SIM1: variants seen among roughly 807,000 people sequenced by gnomAD.
SIM1 encodes the protein single-minded homolog 1.
SIM1 carries 18 observed loss-of-function variants against 78.2 expected under a neutral mutation model. The observed-to-expected ratio is 0.23, with a 90% CI of 0.16 to 0.34. The LOEUF (loss-of-function observed/expected upper bound fraction) is 0.34, where lower values mean the gene tolerates loss of function less well. Among genes scored for constraint, SIM1 ranks in the 10% least tolerant of loss-of-function variants. The probability of loss-of-function intolerance (pLI) is 1.00; values close to 1 mark genes in which losing one functional copy is unlikely to be tolerated. For synonymous variants in SIM1, 417 were observed against 385.2 expected (o/e 1.08, Z -0.97); for missense variants, 939 against 975.1 (o/e 0.96, Z 0.49).
At position 100,420,487 on chromosome 6, in the gene SIM1, C is replaced by T. The variant is rs185166726; in HGVS notation, c.1167+303G>A. On this transcript the variant is annotated intron_variant, in intron 10 of 11. Coordinates refer to ENST00000369208, the MANE Select transcript of SIM1 (RefSeq NM_005068.3). ...TTTGTTATGCTGGCTACATCATGGT[C>T]ACTCACTGGGTGGGAGGGAAATTCA... 1.1e-3 allele frequency among the ~76,000 whole-genome samples: 172 copies of T among 152,248 alleles called. 2 individuals are homozygous for T. Among genetic ancestry groups the T allele is most frequent in the Admixed American group, 9.4e-3 (144 of 15,290 alleles).
chr6:100,418,465 T>A (rs1275354187), intron 10 of SIM1, among the ~76,000 whole-genome samples: 1 of 152,166 alleles, frequency 6.6e-6, no homozygotes, highest in Non-Finnish European at 1.5e-5. Flanking sequence ...AGAACGTGTA[T>A]AACTTTCCAG....
At chr6:100,400,872 T>C (rs1042321489) in intron 10 of SIM1, among the ~76,000 whole-genome samples, 1 of 152,052 alleles carries the variant, frequency 6.6e-6, no homozygotes, top group Non-Finnish European at 1.5e-5. Flanking sequence ...AAAGATTTAT[T>C]TGGGCACAGA....
In SIM1 at chr6:100,463,558, G is replaced by T. The variant is rs114664173; in HGVS notation, c.-90C>A. ...AACTTTCAATTAGAGATCATATTTG[G>T]CAAAAACATAAAACATACTTTGAAT... On this transcript the variant is annotated 5_prime_UTR_variant, in exon 2 of 12. Coordinates refer to ENST00000369208, the MANE Select transcript of SIM1 (RefSeq NM_005068.3). The T allele has an allele frequency of 1.4e-3, 1,705 of 1,252,092 alleles. 18 individuals carry two copies. In the African/African-American group the frequency reaches 0.023, roughly 17 times the overall value. The allele number at this position is 1,252,092 out of a possible 1,614,324, so 77.6% of individuals were successfully genotyped here.
chr6:100,407,539 TA>T (rs1771081028), intron 10 of SIM1, among the ~76,000 whole-genome samples: 1 of 152,118 alleles, frequency 6.6e-6, no homozygotes, highest in African/African-American at 2.4e-5. Flanking sequence ...CCATTTTACA[TA>T]ATGGCTGTAC....
At chr6:100,430,110 A>G (rs1771863182) in intron 9 of SIM1, among the ~76,000 whole-genome samples, 1 of 152,222 alleles carries the variant, frequency 6.6e-6, no homozygotes, top group Non-Finnish European at 1.5e-5. Flanking sequence ...TAGTTTCTTA[A>G]AACAATTTAG....
chr6:100,389,424 G>T lies in SIM1; in HGVS notation c.*937C>A, dbSNP rs41318037. The T allele has an allele frequency of 6.9e-3, 2,707 of 392,600 alleles. 22 individuals are homozygous for T. Among genetic ancestry groups the T allele is most frequent in the Non-Finnish European group, 7.1e-3 (1,586 of 222,628 alleles). The allele number at this position is 392,600 out of a possible 1,614,324, so 24.3% of individuals were successfully genotyped here. A position where few individuals can be genotyped will look rare whatever the true frequency, so the allele number is the denominator to read the frequency against. ...TTTTCCTTTTATTTTTGCACCTATT[G>T]GTCTTTTTTCTGGGTGAATTGGTTT... is the stretch of plus-strand genomic sequence containing the variant. On this transcript the variant is annotated 3_prime_UTR_variant, in exon 12 of 12. Coordinates refer to ENST00000369208, the MANE Select transcript of SIM1 (RefSeq NM_005068.3).
chr6:100,435,439 T>G (rs1772018479), intron 9 of SIM1, among the ~76,000 whole-genome samples: 1 of 152,166 alleles, frequency 6.6e-6, no homozygotes, highest in Non-Finnish European at 1.5e-5. Flanking sequence ...ACTCACTAGC[T>G]ATGTTGTATT....
At chr6:100,459,161 G>A (rs1772771440) in intron 2 of SIM1, among the ~76,000 whole-genome samples, 1 of 152,230 alleles carries the variant, frequency 6.6e-6, no homozygotes, top group African/African-American at 2.4e-5. Context: ...TTTATCATTA[G>A]ACGGGTGATT....
rs1011971923 is a variant in SIM1, at chr6:100,449,358, C to T, written c.543+5G>A. ...CCACCCGGAGCGGATCTTCCAGCTACGCACCTTGTAGCCGCCACAGGTGAG... is the reference window on the plus strand; with the variant it reads ...CCACCCGGAGCGGATCTTCCAGCTATGCACCTTGTAGCCGCCACAGGTGAG... On this transcript the variant is annotated splice_donor_5th_base_variant and intron_variant, in intron 6 of 11. Coordinates refer to ENST00000369208, the MANE Select transcript of SIM1 (RefSeq NM_005068.3). The T allele has an allele frequency of 6.2e-7, 1 of 1,612,626 alleles. No individual in the cohort carries two copies. The highest frequency in any genetic ancestry group is 1.1e-5 in the South Asian group (1 of 91,012).
At chr6:100,461,478 C>G (rs561612918) in intron 2 of SIM1, among the ~76,000 whole-genome samples, 2 of 152,304 alleles carry the variant, frequency 1.3e-5, no homozygotes, top group South Asian at 4.1e-4. Context: ...CGCGATTACT[C>G]GCAGCCCCAC....
At chr6:100,396,126 G>T (rs564888828) in intron 10 of SIM1, 2 of 975,792 alleles carry the variant, frequency 2.0e-6, no homozygotes, top group Non-Finnish European at 2.4e-6. Flanking sequence ...ACAAGATATC[G>T]CCTTCACTTT....
chr6:100,404,999 T>C (rs1158580657), intron 10 of SIM1, among the ~76,000 whole-genome samples: 1 of 152,160 alleles, frequency 6.6e-6, no homozygotes, highest in East Asian at 1.9e-4. Flanking sequence ...AATTATTTTC[T>C]ACATTCCTGC....
In SIM1 at chr6:100,450,364, G is replaced by A; in HGVS notation, c.259-8C>T. On this transcript the variant is annotated splice_region_variant and splice_polypyrimidine_tract_variant and intron_variant, in intron 3 of 11. Transcript: ENST00000369208. ...GATGAAGCCATCCAGGGTCTGGGGA[G>A]GCACAAATAGAGAGAATAGAGAGCC... is the stretch of plus-strand genomic sequence containing the variant. 6.2e-7 allele frequency: 1 copy of A among 1,613,136 alleles called. No individual in the cohort carries two copies. Among genetic ancestry groups the A allele is most frequent in the Non-Finnish European group, 8.5e-7 (1 of 1,179,396 alleles).
At chr6:100,450,698 A>T (rs416629) in intron 3 of SIM1, among the ~76,000 whole-genome samples, 4,770 of 56,548 alleles carry the variant, frequency 0.084, 68 homozygotes, top group African/African-American at 0.14. Context: ...TCTCTCTCTC[A>T]CACACACACA....
chr6:100,412,726 A>AGAAG (rs1771273919), intron 10 of SIM1, among the ~76,000 whole-genome samples: 10 of 140,806 alleles, frequency 7.1e-5, no homozygotes, highest in African/African-American at 2.3e-4. Flanking sequence ...AAAGAAAGAA[A>AGAAG]GAAAGAAAGA....
chr6:100,439,411 T>C (rs1772147305), intron 9 of SIM1, among the ~76,000 whole-genome samples: 1 of 152,228 alleles, frequency 6.6e-6, no homozygotes, highest in Non-Finnish European at 1.5e-5. Context: ...CCTTAGCAAA[T>C]GGTGCAAGTA....
intron 8 of SIM1, 66 bp from the exon 9 acceptor site, chr6:100,447,481 C>T (rs1772386485): frequency 9.4e-6 from 15 of 1,589,004 alleles, no homozygotes; most frequent in Non-Finnish European, 1.3e-5. Context: ...CAAATGCAAT[C>T]CCTGGTGGTA....
chr6:100,456,227 G>A (rs973060744), intron 2 of SIM1, among the ~76,000 whole-genome samples: 22 of 152,174 alleles, frequency 1.4e-4, no homozygotes, highest in African/African-American at 5.3e-4. Context: ...GTCCTAGTAA[G>A]GGGTCCCCCC....
intron 4 of SIM1, 22 bp from the exon 5 acceptor site, chr6:100,449,721 C>G (rs1398887110): frequency 3.7e-6 from 6 of 1,600,960 alleles, no homozygotes; most frequent in Non-Finnish European, 5.1e-6. Context: ...AGGATGTCGC[C>G]GTCGCCGTGG....
Sources: allele counts gnomAD v4.1 joint callset (sites outside exome capture counted in the v4.1 genomes callset), GRCh38; gene constraint gnomAD v4.1.1; transcripts MANE v1.5; gene names NCBI Gene and HGNC (gene_info 2026-07-23, HGNC 2026-07-21).